Variants in CHST9 observed in about 807,000 individuals in gnomAD.
The protein encoded by CHST9 is carbohydrate sulfotransferase 9.
In CHST9, 41 loss-of-function variants were observed where a neutral mutation model predicts 44.4. The observed-to-expected ratio is 0.92, with a 90% CI of 0.72 to 1.20. The LOEUF (loss-of-function observed/expected upper bound fraction) is 1.20, where lower values mean the gene tolerates loss of function less well. Among genes scored for constraint, CHST9 ranks in the 50% most tolerant of loss-of-function variants. The pLI is 0.00. For missense variants in CHST9, 504 were observed against 516.5 expected, an observed-to-expected ratio of 0.98 and a Z score of 0.23; for synonymous variants, 171 against 178.4, an observed-to-expected ratio of 0.96 and a Z score of 0.33.
intron 3 of CHST9, among the ~76,000 whole-genome samples, chr18:27,045,054 A>T (rs915896018): frequency 6.6e-6 from 1 of 151,926 alleles, no homozygotes; most frequent in Non-Finnish European, 1.5e-5. Context: ...GAGAAAAAAA[A>T]AAAAAAACCA....
chr18:26,911,282 A>T lies in CHST9; in HGVS notation c.*4977T>A, dbSNP rs1335148624. ...GGTACAAAGTGCATTCAACAGACAC[A>T]GTTCCTTTCCTCTTGGAAGACCTAA... On this transcript the variant is annotated 3_prime_UTR_variant, in exon 6 of 6. Coordinates refer to ENST00000618847, the MANE Select transcript of CHST9 (RefSeq NM_031422.6). The T allele has an allele frequency of 6.6e-6, 1 of 152,246 alleles. No individual in the cohort carries two copies. Among genetic ancestry groups the T allele is most frequent in the Non-Finnish European group, 1.5e-5 (1 of 68,044 alleles). 9.4% of individuals were successfully genotyped at this position (152,246 alleles called of 1,614,324 possible).
intron 5 of CHST9, among the ~76,000 whole-genome samples, chr18:26,937,601 C>T (rs1234276135): frequency 2.0e-5 from 3 of 152,172 alleles, no homozygotes; most frequent in Admixed American, 2.0e-4. Context: ...GTGGCTGTTG[C>T]TCACACTGTA....
In CHST9 at chr18:26,916,325, T is replaced by A; in HGVS notation, c.1266A>T (p.Arg422Ser). The change falls in exon 6 of 6, where the codon AGA becomes AGT. Residue 422 changes from arginine to serine, a missense_variant. Coordinates refer to ENST00000618847, the MANE Select transcript of CHST9 (RefSeq NM_031422.6). Reference sequence around the variant, plus strand: ...AGTAATAAAAGTCATAGATTAATTGTCTCTCAGTTCTAGTCAGATCCTTTA... The same window carrying A: ...AGTAATAAAAGTCATAGATTAATTGACTCTCAGTTCTAGTCAGATCCTTTA... ...QYLKDLTRTE[R>S]QLIYDFYYLD... is the part of the protein sequence containing the mutation. 1 of 1,609,698 alleles carries A rather than the reference T, an allele frequency of 6.2e-7. No homozygotes were observed. Among genetic ancestry groups the A allele is most frequent in the Non-Finnish European group, 8.5e-7 (1 of 1,176,336 alleles).
chr18:26,920,324 C>A (rs1444857129), intron 5 of CHST9, among the ~76,000 whole-genome samples: 1 of 152,206 alleles, frequency 6.6e-6, no homozygotes, highest in Non-Finnish European at 1.5e-5. Context: ...GCATGACTGG[C>A]TCTTCATTCT....
intron 2 of CHST9, among the ~76,000 whole-genome samples, chr18:27,101,320 G>A (rs111429533): frequency 6.6e-6 from 1 of 151,956 alleles, no homozygotes; most frequent in African/African-American, 2.4e-5. Flanking sequence ...GGCCGGGCTC[G>A]GTGACTCACG....
chr18:27,151,722 G>A (rs2058661006), intron 1 of CHST9, among the ~76,000 whole-genome samples: 1 of 152,152 alleles, frequency 6.6e-6, no homozygotes. Flanking sequence ...AGGGAACCAT[G>A]AGCTAGGGAA....
rs115932327 is a variant in CHST9, at chr18:27,178,987, T to C, written c.-97+6149A>G. Among the ~76,000 whole-genome samples, 1,369 of 152,066 alleles carry C rather than the reference T, an allele frequency of 9.0e-3. 15 individuals carry two copies. Among genetic ancestry groups the C allele is most frequent in the African/African-American group, 0.032 (1,317 of 41,520 alleles). ...TAATAATACCTCCTTTCCTGTTTTTTCAAAGCCTAAAATTATGTGTGTATA... is the reference window on the plus strand; with the variant it reads ...TAATAATACCTCCTTTCCTGTTTTTCCAAAGCCTAAAATTATGTGTGTATA... On this transcript the variant is annotated intron_variant, in intron 1 of 5. Coordinates refer to ENST00000618847, the MANE Select transcript of CHST9 (RefSeq NM_031422.6).
At chr18:27,110,671 G>A (rs1013388393) in intron 2 of CHST9, among the ~76,000 whole-genome samples, 1 of 152,184 alleles carries the variant, frequency 6.6e-6, no homozygotes, top group African/African-American at 2.4e-5. Flanking sequence ...ATTCTCAAAT[G>A]AGGTATGACA....
At chr18:27,128,633 GAGA>G (rs1254300279) in intron 2 of CHST9, among the ~76,000 whole-genome samples, 1 of 152,170 alleles carries the variant, frequency 6.6e-6, no homozygotes, top group African/African-American at 2.4e-5. Context: ...TAGCAAAACG[GAGA>G]AGATTGGCCA....
At chr18:26,959,375 G>GT (rs2056371009) in intron 4 of CHST9, among the ~76,000 whole-genome samples, 2 of 152,200 alleles carry the variant, frequency 1.3e-5, no homozygotes, top group Admixed American at 1.3e-4. Context: ...ACTGTGCTCA[G>GT]TATCTGGGTG....
At chr18:26,988,158 CAA>C (rs1239066559) in intron 4 of CHST9, among the ~76,000 whole-genome samples, 1 of 151,792 alleles carries the variant, frequency 6.6e-6, no homozygotes, top group Non-Finnish European at 1.5e-5. Context: ...ACAAAGAAGA[CAA>C]GAGACAAATA....
chr18:27,086,889 T>C (rs562767851), intron 2 of CHST9, among the ~76,000 whole-genome samples: 37 of 152,288 alleles, frequency 2.4e-4, no homozygotes, highest in African/African-American at 8.7e-4. Flanking sequence ...GAGGTGTGGA[T>C]AATCTTGCTT....
At chr18:27,029,427 C>T (rs1171736891) in intron 3 of CHST9, among the ~76,000 whole-genome samples, 1 of 152,070 alleles carries the variant, frequency 6.6e-6, no homozygotes, top group African/African-American at 2.4e-5. Context: ...ACCCATGATG[C>T]AATGGTCCCA....
intron 1 of CHST9, among the ~76,000 whole-genome samples, chr18:27,167,923 A>G (rs2058803474): frequency 6.6e-6 from 1 of 152,168 alleles, no homozygotes; most frequent in South Asian, 2.1e-4. Flanking sequence ...CTGAAATAAG[A>G]CAGTATGGCT....
chr18:27,015,513 T>C (rs2057142538), intron 4 of CHST9, among the ~76,000 whole-genome samples: 1 of 152,100 alleles, frequency 6.6e-6, no homozygotes, highest in African/African-American at 2.4e-5. Context: ...CCCAGTCTTG[T>C]TGGGAGCATC....
In CHST9 at chr18:27,180,467, G is replaced by A. The variant is rs931938390; in HGVS notation, c.-97+4669C>T. 5.3e-5 allele frequency among the ~76,000 whole-genome samples: 8 copies of A among 152,090 alleles called. 1 individual carries two copies. The highest frequency in any genetic ancestry group is 1.4e-4 in the African/African-American group (6 of 41,428). On this transcript the variant is annotated intron_variant, in intron 1 of 5. Coordinates refer to ENST00000618847, the MANE Select transcript of CHST9 (RefSeq NM_031422.6). ...GGTCAAGGATCACAGTCTGGTCCAC[G>A]ATGACTACTCAATGCATGAAAGAAG...
intron 2 of CHST9, among the ~76,000 whole-genome samples, chr18:27,102,285 G>A (rs907891330): frequency 2.6e-5 from 4 of 152,156 alleles, no homozygotes; most frequent in Admixed American, 6.5e-5. Flanking sequence ...ATGTAAGTAA[G>A]CATTTTTAAG....
intron 4 of CHST9, among the ~76,000 whole-genome samples, chr18:26,993,055 A>T (rs2145211529): frequency 6.6e-6 from 1 of 152,332 alleles, no homozygotes; most frequent in East Asian, 1.9e-4. Context: ...TCTACTAGGC[A>T]TGATAATCAC....
intron 3 of CHST9, among the ~76,000 whole-genome samples, chr18:27,034,123 A>C (rs2057367860): frequency 6.6e-6 from 1 of 152,212 alleles, no homozygotes; most frequent in Admixed American, 6.5e-5. Context: ...ATTTAAGATA[A>C]ATAAAATAGA....
Sources: allele counts gnomAD v4.1 joint callset (sites outside exome capture counted in the v4.1 genomes callset), GRCh38; gene constraint gnomAD v4.1.1; transcripts MANE v1.5; gene names NCBI Gene and HGNC (gene_info 2026-07-23, HGNC 2026-07-21).